Variants in P2RY8 observed in about 807,000 individuals in gnomAD.
P2RY8 encodes the protein S-geranylgeranyl-glutathione receptor P2RY8.
P2RY8 carries 6 observed loss-of-function variants against 10.0 expected under a neutral mutation model. That is an observed-to-expected ratio of 0.60 (90% CI 0.33 to 1.19). P2RY8 has a LOEUF of 1.19. P2RY8 is among the 50% of genes most tolerant of loss of function. The pLI, the probability that P2RY8 is intolerant of heterozygous loss-of-function variation, is 0.04. For missense variants in P2RY8, 456 were observed against 542.0 expected, an observed-to-expected ratio of 0.84 and a Z score of 1.58; for synonymous variants, 276 against 252.5, an observed-to-expected ratio of 1.09 and a Z score of -0.88.
chrX:1,518,819 C>CA (rs2092370293), intron 1 of P2RY8, among the ~76,000 whole-genome samples: 2 of 152,106 alleles, frequency 1.3e-5, no homozygotes, highest in African/African-American at 2.4e-5. Flanking sequence ...TCTAGTCCCC[C>CA]AAATCCTGCC....
chrX:1,475,713 T>G (rs6644956), intron 1 of P2RY8, among the ~76,000 whole-genome samples: 13 of 152,034 alleles, frequency 8.6e-5, no homozygotes, highest in Middle Eastern at 3.4e-3. Flanking sequence ...AACAAGCCAA[T>G]GGGCCTCAGA....
At chrX:1,491,496 A>G (rs1330389681) in intron 1 of P2RY8, among the ~76,000 whole-genome samples, 2 of 152,234 alleles carry the variant, frequency 1.3e-5, no homozygotes, top group Non-Finnish European at 2.9e-5. Context: ...TCTCCCTAAA[A>G]GTGGAGTGAA....
chrX:1,533,283 A>G (rs1288972700), intron 1 of P2RY8, among the ~76,000 whole-genome samples: 1 of 149,932 alleles, frequency 6.7e-6, no homozygotes, highest in Non-Finnish European at 1.5e-5. Context: ...AGCTTCTGAA[A>G]AAATCTTCTG....
chrX:1,520,962 TTTGGCCCCCAATCATCTCC>T (rs1364561766), intron 1 of P2RY8, among the ~76,000 whole-genome samples: 83 of 151,414 alleles, frequency 5.5e-4, no homozygotes, highest in Non-Finnish European at 1.1e-3. Context: ...CAATCACCTC[TTTGGCCCCCAATCATCTCC>T]TTGGCCCCCA....
Position 1,525,305 on chromosome X carries a change from A to T in P2RY8, c.-25+11616T>A, listed in dbSNP as rs1489937298. ...AAATAGGATCTTTGCAGATGGGATT[A>T]AGGTGTAAGTTAGGATGACATCATA... On this transcript the variant is annotated intron_variant, in intron 1 of 1. Coordinates refer to ENST00000381297, the MANE Select transcript of P2RY8 (RefSeq NM_178129.5). 3.9e-5 allele frequency among the ~76,000 whole-genome samples: 6 copies of T among 152,208 alleles called. 1 individual carries two copies. Among genetic ancestry groups the T allele is most frequent in the African/African-American group, 1.4e-4 (6 of 41,460 alleles).
intron 1 of P2RY8, among the ~76,000 whole-genome samples, chrX:1,509,701 C>T (rs868185981): frequency 2.5e-5 from 3 of 122,228 alleles, no homozygotes; most frequent in African/African-American, 9.5e-5. Context: ...TCCATCCATC[C>T]ATCCATTTAT....
chrX:1,481,617 CTTTGGGATTAGGAGAG>C (rs1569536928), intron 1 of P2RY8, among the ~76,000 whole-genome samples: 58 of 151,980 alleles, frequency 3.8e-4, no homozygotes, highest in African/African-American at 1.4e-3. Flanking sequence ...GAGAGTCCAG[CTTTGGGATTAGGAGAG>C]TCCAGCTTTG....
At position 1,465,482 on chromosome X, in the gene P2RY8, G is replaced by C. The variant is rs200377693; in HGVS notation, c.1077C>G (p.Phe359Leu). 1.9e-6 allele frequency: 3 copies of C among 1,603,450 alleles called. No individual in the cohort carries two copies. The East Asian group carries it at 6.7e-5, about 36-fold the overall frequency. ...CTCCAAGCTGCGCCCCCGGGACTCA[G>C]AACACACTCTCCTGCCTCTGGAGGC... The part of the protein sequence containing the change: ...RPGLQRQESV[F>L] Residue 359 changes from phenylalanine (F) to leucine (L), a missense_variant, in exon 2 of 2, where the codon TTC becomes TTG. Physicochemically the swap from Phe to Leu is conservative, Grantham distance 22. Coordinates refer to ENST00000381297, the MANE Select transcript of P2RY8 (RefSeq NM_178129.5).
chrX:1,465,172 G>A lies in P2RY8; in HGVS notation c.*307C>T, dbSNP rs1216524030. ...ACTAAAAAAAATACAAAAATTAGCCGGGCGTGGTGACACAAGCTGTCCCCT... is the reference window on the plus strand; with the variant it reads ...ACTAAAAAAAATACAAAAATTAGCCAGGCGTGGTGACACAAGCTGTCCCCT... On this transcript the variant is annotated 3_prime_UTR_variant, in exon 2 of 2. Coordinates refer to ENST00000381297, the MANE Select transcript of P2RY8 (RefSeq NM_178129.5). 1.3e-5 allele frequency: 6 copies of A among 457,428 alleles called. No homozygotes were observed. Among genetic ancestry groups the A allele is most frequent in the African/African-American group, 5.9e-5 (3 of 50,824 alleles). 28.3% of individuals were successfully genotyped at this position (457,428 alleles called of 1,614,324 possible).
At chrX:1,520,401 C>T (rs1329049179) in intron 1 of P2RY8, among the ~76,000 whole-genome samples, 2 of 151,250 alleles carry the variant, frequency 1.3e-5, no homozygotes, top group Non-Finnish European at 2.9e-5. Flanking sequence ...TCTCTGATCC[C>T]CAATCATCTC....
chrX:1,482,924 C>T (rs1475920548), intron 1 of P2RY8, among the ~76,000 whole-genome samples: 3 of 151,104 alleles, frequency 2.0e-5, no homozygotes, highest in Non-Finnish European at 4.4e-5. Context: ...AGGAGAACAT[C>T]ACACACCGGG....
At chrX:1,466,639 G>T in intron 1 of P2RY8, 57 bp from the exon 2 acceptor site, 2 of 1,492,898 alleles carry the variant, frequency 1.3e-6, no homozygotes, top group Non-Finnish European at 1.8e-6. Context: ...AGAGGCGGCT[G>T]CCGGGAGGGC....
intron 1 of P2RY8, among the ~76,000 whole-genome samples, chrX:1,518,563 C>A (rs2092368693): frequency 6.6e-6 from 1 of 151,616 alleles, no homozygotes; most frequent in Non-Finnish European, 1.5e-5. Flanking sequence ...TCTGTTTCCC[C>A]AAAATCTTTC....
chrX:1,489,613 G>A (rs749778066), intron 1 of P2RY8, among the ~76,000 whole-genome samples: 1 of 152,126 alleles, frequency 6.6e-6, no homozygotes, highest in Non-Finnish European at 1.5e-5. Context: ...TGGAGGGAAC[G>A]AATGAATGAC....
chrX:1,476,515 A>C (rs1227017739), intron 1 of P2RY8, among the ~76,000 whole-genome samples: 4 of 151,672 alleles, frequency 2.6e-5, no homozygotes, highest in African/African-American at 9.7e-5. Context: ...TGAACCCCGG[A>C]GGCAGAGCTT....
intron 1 of P2RY8, among the ~76,000 whole-genome samples, chrX:1,533,744 A>G (rs2092500565): frequency 8.1e-6 from 1 of 123,672 alleles, no homozygotes; most frequent in African/African-American, 3.2e-5. Flanking sequence ...TTCATATATT[A>G]TTTATTATTT....
chrX:1,509,535 C>A (rs1332688941), intron 1 of P2RY8, among the ~76,000 whole-genome samples: 2 of 137,998 alleles, frequency 1.4e-5, no homozygotes, highest in African/African-American at 6.0e-5. Context: ...ATCCATCCAT[C>A]CATCCATCCA....
At chrX:1,469,287 CT>C (rs1384712879) in intron 1 of P2RY8, among the ~76,000 whole-genome samples, 2 of 150,436 alleles carry the variant, frequency 1.3e-5, no homozygotes, top group African/African-American at 2.5e-5. Flanking sequence ...CCTCAGCCTC[CT>C]GAGTAGCTGG....
intron 1 of P2RY8, among the ~76,000 whole-genome samples, chrX:1,473,984 C>T (rs113751562): frequency 0.61 from 77,151 of 127,244 alleles, 20,506 homozygotes; most frequent in South Asian, 0.7. Flanking sequence ...GGTGGATGGA[C>T]GGATGCATGG....
Sources: gnomAD v4.1 joint callset for allele counts (sites outside exome capture counted in the v4.1 genomes callset) on GRCh38, gnomAD v4.1.1 for gene constraint, MANE v1.5 for transcripts, NCBI Gene and HGNC (gene_info 2026-07-23, HGNC 2026-07-21) for gene names.